Variants in SRI observed in about 807,000 individuals in gnomAD.
SRI encodes 22 kDa protein.
A neutral mutation model predicts 33.3 loss-of-function variants in SRI; 30 were observed. That is an observed-to-expected ratio of 0.90 (90% CI 0.67 to 1.22). The LOEUF (loss-of-function observed/expected upper bound fraction) is 1.22, where lower values mean the gene tolerates loss of function less well. Ranked by LOEUF, SRI falls within the 50% of genes most tolerant of loss-of-function variation. SRI has a pLI of 0.00. For synonymous variants in SRI, 75 were observed against 89.9 expected, an observed-to-expected ratio of 0.83 and a Z score of 0.94; for missense variants, 243 against 250.8, an observed-to-expected ratio of 0.97 and a Z score of 0.21.
chr7:88,209,860 C>T, intron 5 of SRI, 123 bp downstream of exon 5: 7 of 1,313,466 alleles, frequency 5.3e-6, no homozygotes, highest in South Asian at 1.2e-5. Flanking sequence ...AGGCAATCCA[C>T]CCTCCTTGGC....
rs956318828 is a variant in SRI at position 88,205,895 on chromosome 7, G to C, written c.*583C>G. Reference sequence around the variant, plus strand: ...AGCTTATAATGTACAAGATTTTTAAGGAGAGTTAACAAAGGTTTAAATAGA... The same window carrying C: ...AGCTTATAATGTACAAGATTTTTAACGAGAGTTAACAAAGGTTTAAATAGA... On this transcript the variant is annotated 3_prime_UTR_variant, in exon 8 of 8. Transcript: ENST00000265729. The C allele has an allele frequency of 2.0e-5, 3 of 152,832 alleles. No homozygotes were observed. Among genetic ancestry groups the C allele is most frequent in the Non-Finnish European group, 4.4e-5 (3 of 68,266 alleles). The allele number at this position is 152,832 out of a possible 1,614,324, so 9.5% of individuals were successfully genotyped here.
At chr7:88,214,883 A>G in intron 3 of SRI, 1 of 1,200,980 alleles carries the variant, frequency 8.3e-7, no homozygotes, top group South Asian at 1.3e-5. Context: ...TAATGGACCT[A>G]GAAGGAAAGC....
upstream of SRI, among the ~76,000 whole-genome samples, chr7:88,220,412 A>G (rs1257519256): frequency 1.3e-5 from 2 of 150,970 alleles, no homozygotes; most frequent in African/African-American, 2.4e-5. Context: ...TTCTTATTTT[A>G]AACAACTTTA....
At chr7:88,219,084 T>C (rs1851812253) in intron 1 of SRI, 142 bp from the exon 2 acceptor site, 1 of 704,860 alleles carries the variant, frequency 1.4e-6, no homozygotes, top group Non-Finnish European at 2.6e-6. Flanking sequence ...GGGCACACTC[T>C]GCCAACACTC....
In SRI at chr7:88,220,006, A is replaced by C; in HGVS notation, c.21T>G (p.Pro7=). 1 of 1,535,550 alleles carries C rather than the reference A, an allele frequency of 6.5e-7. No individual in the cohort carries two copies. Among genetic ancestry groups the C allele is most frequent in the Non-Finnish European group, 8.7e-7 (1 of 1,145,878 alleles). Residue 7 remains proline, a synonymous_variant, in exon 1 of 8, where the codon CCT becomes CCG. Transcript: ENST00000265729. ...CTGGGTAGTACCCGCCGCCGGCGCCAGGATGCCCCGGGTACGCCATGCTGC... is the reference window on the plus strand; with the variant it reads ...CTGGGTAGTACCCGCCGCCGGCGCCCGGATGCCCCGGGTACGCCATGCTGC... MAYPGH[P]GAGGGYYPGG...
At chr7:88,217,473 T>A (rs1851759877) in intron 2 of SRI, among the ~76,000 whole-genome samples, 2 of 151,006 alleles carry the variant, frequency 1.3e-5, no homozygotes, top group African/African-American at 4.9e-5. Flanking sequence ...TTTTAAAATA[T>A]TTTTTTTTGA....
chr7:88,209,524 A>G, intron 5 of SRI, 72 bp from the exon 6 acceptor site: 1 of 1,215,856 alleles, frequency 8.2e-7, no homozygotes, highest in African/African-American at 1.5e-5. Flanking sequence ...ATAATCAAGC[A>G]CTATTTTATT....
chr7:88,206,311 A>G lies in SRI; in HGVS notation c.*167T>C, dbSNP rs1851438175. 2 of 784,242 alleles carry G rather than the reference A, an allele frequency of 2.6e-6. No homozygotes were observed. Among genetic ancestry groups the G allele is most frequent in the Non-Finnish European group, 4.3e-6 (2 of 464,062 alleles). 48.6% of individuals were successfully genotyped at this position (784,242 alleles called of 1,614,324 possible). ...TTATTAAAGTTCCAAAGAATTTATTATCAAAACTAAAACAAAACTTCAGTT... is the reference window on the plus strand; with the variant it reads ...TTATTAAAGTTCCAAAGAATTTATTGTCAAAACTAAAACAAAACTTCAGTT... On this transcript the variant is annotated 3_prime_UTR_variant, in exon 8 of 8. Transcript: ENST00000265729.
At chr7:88,215,389 C>T (rs1851681081) in intron 3 of SRI, among the ~76,000 whole-genome samples, 1 of 152,194 alleles carries the variant, frequency 6.6e-6, no homozygotes, top group Non-Finnish European at 1.5e-5. Flanking sequence ...ATCTGCCACA[C>T]CTCATCTACT....
chr7:88,215,557 A>T (rs1329004558), intron 3 of SRI, among the ~76,000 whole-genome samples: 3 of 152,216 alleles, frequency 2.0e-5, no homozygotes, highest in Non-Finnish European at 4.4e-5. Context: ...CTAATCCAAA[A>T]AGTGCTTATT....
intron 3 of SRI, among the ~76,000 whole-genome samples, chr7:88,214,017 C>G (rs991024704): frequency 6.6e-6 from 1 of 152,076 alleles, no homozygotes; most frequent in Non-Finnish European, 1.5e-5. Context: ...AGCTGACAGT[C>G]TAAGGAAAAG....
upstream of SRI, among the ~76,000 whole-genome samples, chr7:88,221,644 G>A (rs1422109127): frequency 2.0e-5 from 3 of 152,184 alleles, no homozygotes; most frequent in Non-Finnish European, 2.9e-5. Context: ...TGGCATATCA[G>A]TTGTCCTTAG....
chr7:88,225,236 G>A lies in SRI; in HGVS notation c.6+1673C>T, dbSNP rs970513962. Among the ~76,000 whole-genome samples the A allele has an allele frequency of 2.0e-5, 3 of 152,308 alleles. No homozygotes were observed. The South Asian group carries it at 6.2e-4, about 32-fold the overall frequency. ...GATCAGGATTAACCAGGAAGCTGAT[G>A]TTGGAGGAATTTATTATGGCTAAAT... is the stretch of plus-strand genomic sequence containing the variant. On this transcript the variant is annotated intron_variant, in intron 1 of 7. Transcript: ENST00000394641.
At chr7:88,226,015 A>G (rs1286898071) in intron 1 of SRI, among the ~76,000 whole-genome samples, 1 of 152,128 alleles carries the variant, frequency 6.6e-6, no homozygotes, top group East Asian at 1.9e-4. Flanking sequence ...TACATCTTTT[A>G]CTTGTGACCA....
rs566367891 is a variant in SRI at position 88,212,266 on chromosome 7, T to A, written c.206-1341A>T. On this transcript the variant is annotated intron_variant, in intron 3 of 7. Coordinates refer to ENST00000265729, the MANE Select transcript of SRI (RefSeq NM_003130.4). ...ACTGGAAATAAAAGACTAGTGACTATTTCTATTTTGGTCCTTCAATCTCCA... is the reference window on the plus strand; with the variant it reads ...ACTGGAAATAAAAGACTAGTGACTAATTCTATTTTGGTCCTTCAATCTCCA... Among the ~76,000 whole-genome samples, 22 of 152,356 alleles carry A rather than the reference T, an allele frequency of 1.4e-4. No homozygotes were observed. In the South Asian group the frequency reaches 3.1e-3, roughly 22 times the overall value.
rs373068458 is a variant in SRI at position 88,209,321 on chromosome 7, C to T, written c.511+18G>A. 3.1e-6 allele frequency: 5 copies of T among 1,594,770 alleles called. No individual in the cohort carries two copies. Among genetic ancestry groups the T allele is most frequent in the Non-Finnish European group, 4.3e-6 (5 of 1,162,842 alleles). On this transcript the variant is annotated intron_variant, in intron 6 of 7. Coordinates refer to ENST00000265729, the MANE Select transcript of SRI (RefSeq NM_003130.4). ...TGTGTCTTGGCTTGTGGTGATGACA[C>T]GACCTTATAGAACTCACCTGTAAGA...
intron 5 of SRI, 113 bp from the exon 6 acceptor site, chr7:88,209,565 A>AAC (rs1167801679): frequency 2.3e-5 from 17 of 753,898 alleles, no homozygotes; most frequent in Non-Finnish European, 3.4e-5. Context: ...ATTAATTATG[A>AAC]ACACACACAA....
upstream of SRI, among the ~76,000 whole-genome samples, chr7:88,222,463 T>C (rs1851909098): frequency 6.6e-6 from 1 of 150,892 alleles, no homozygotes; most frequent in African/African-American, 2.4e-5. Flanking sequence ...TTTTCATGTG[T>C]TTTTTGGCTG....
rs1851730557 is a variant in SRI, at chr7:88,216,824, G to T, written c.205+298C>A. The T allele has an allele frequency of 3.0e-5, 12 of 396,568 alleles. No individual in the cohort carries two copies. The South Asian group carries it at 3.5e-4, about 12-fold the overall frequency. 24.6% of individuals were successfully genotyped at this position (396,568 alleles called of 1,614,324 possible). The stretch of plus-strand genomic sequence containing the variant: ...AGGTCTTGCTCTGTTGCTCAGGCTG[G>T]AGTGCAGTGGTACAATCATAGATTA... On this transcript the variant is annotated intron_variant, in intron 3 of 7. Coordinates refer to ENST00000265729, the MANE Select transcript of SRI (RefSeq NM_003130.4).
Sources: gnomAD v4.1 joint callset for allele counts (sites outside exome capture counted in the v4.1 genomes callset) on GRCh38, gnomAD v4.1.1 for gene constraint, MANE v1.5 for transcripts, NCBI Gene and HGNC (gene_info 2026-07-23, HGNC 2026-07-21) for gene names.